Variants in AIG1 observed in about 807,000 individuals in gnomAD.
AIG1 encodes the protein androgen-induced gene 1 protein.
AIG1 carries 23 observed loss-of-function variants against 31.4 expected under a neutral mutation model. That is an observed-to-expected ratio of 0.73 (90% CI 0.53 to 1.04). The LOEUF is 1.04. Ranked by LOEUF, AIG1 falls within the 50% of genes least tolerant of loss-of-function variation. The probability of loss-of-function intolerance (pLI) is 0.00; values close to 1 mark genes in which losing one functional copy is unlikely to be tolerated. For synonymous variants in AIG1, 100 were observed against 110.5 expected, an observed-to-expected ratio of 0.90 and a Z score of 0.60; for missense variants, 274 against 295.0, an observed-to-expected ratio of 0.93 and a Z score of 0.52.
At chr6:143,267,352 C>T (rs1396217368) in intron 3 of AIG1, among the ~76,000 whole-genome samples, 1 of 152,324 alleles carries the variant, frequency 6.6e-6, no homozygotes, top group East Asian at 1.9e-4. Context: ...CTTACCAAAA[C>T]ACTTACTGGA....
At chr6:143,204,769 GGA>G (rs982698749) in intron 3 of AIG1, among the ~76,000 whole-genome samples, 4 of 151,828 alleles carry the variant, frequency 2.6e-5, no homozygotes, top group African/African-American at 9.7e-5. Flanking sequence ...TTAGAATGGG[GGA>G]GGGACATGTC....
At chr6:143,206,967 A>G (rs1253171255) in intron 3 of AIG1, among the ~76,000 whole-genome samples, 6 of 152,168 alleles carry the variant, frequency 3.9e-5, no homozygotes, top group African/African-American at 7.2e-5. Flanking sequence ...GTGCCTTTAG[A>G]TCTGGACATT....
Position 143,263,503 on chromosome 6 carries a change from A to C in AIG1, c.400-20607A>C, listed in dbSNP as rs145693882. Among the ~76,000 whole-genome samples, 533 of 152,252 alleles carry C rather than the reference A, an allele frequency of 3.5e-3. 1 individual carries two copies. The highest frequency in any genetic ancestry group is 0.012 in the African/African-American group (516 of 41,524). Reference sequence around the variant, plus strand: ...TTTCTTTAATGTATGCTTTAAAAAAATTTTATGAATGTAACTTTAATAACA... The same window carrying C: ...TTTCTTTAATGTATGCTTTAAAAAACTTTTATGAATGTAACTTTAATAACA... On this transcript the variant is annotated intron_variant, in intron 3 of 5. Coordinates refer to ENST00000357847, the MANE Select transcript of AIG1 (RefSeq NM_016108.4).
In AIG1 at chr6:143,126,569, T is replaced by G. The variant is rs143415972; in HGVS notation, c.142-10266T>G. Among the ~76,000 whole-genome samples, 57 of 152,354 alleles carry G rather than the reference T, an allele frequency of 3.7e-4. No homozygotes were observed. The East Asian group carries it at 0.01, about 28-fold the overall frequency. On this transcript the variant is annotated intron_variant, in intron 1 of 5. Transcript: ENST00000357847. ...AAGATGGTGTTTTATAGAACTGCTA[T>G]TTTATGGCTCTTATATCCTTTCCAT...
At chr6:143,199,778 G>A (rs543556388) in intron 3 of AIG1, among the ~76,000 whole-genome samples, 7 of 152,248 alleles carry the variant, frequency 4.6e-5, no homozygotes, top group East Asian at 3.9e-4. Flanking sequence ...GTTTAAAGTC[G>A]ACTCAGGCAA....
intron 3 of AIG1, among the ~76,000 whole-genome samples, chr6:143,191,268 T>C (rs1039765138): frequency 6.6e-6 from 1 of 152,140 alleles, no homozygotes; most frequent in Non-Finnish European, 1.5e-5. Context: ...CATCTCAAGA[T>C]TCTCAGAAAA....
At chr6:143,243,391 G>A (rs1184459557) in intron 3 of AIG1, among the ~76,000 whole-genome samples, 1 of 152,120 alleles carries the variant, frequency 6.6e-6, no homozygotes, top group Non-Finnish European at 1.5e-5. Context: ...ACTAATAGAA[G>A]TTTCAAAAAA....
intron 3 of AIG1, among the ~76,000 whole-genome samples, chr6:143,226,394 C>A (rs942509987): frequency 2.6e-5 from 4 of 151,890 alleles, no homozygotes; most frequent in Non-Finnish European, 4.4e-5. Context: ...CGTGCCCCAC[C>A]GTGCCCAGCT....
At chr6:143,090,322 CATAG>C (rs1348284195) in intron 1 of AIG1, among the ~76,000 whole-genome samples, 4 of 151,884 alleles carry the variant, frequency 2.6e-5, no homozygotes, top group African/African-American at 9.7e-5. Flanking sequence ...TCCATCCATC[CATAG>C]ATATAGTTAT....
At chr6:143,154,025 A>C (rs969998441) in intron 2 of AIG1, among the ~76,000 whole-genome samples, 1 of 151,820 alleles carries the variant, frequency 6.6e-6, no homozygotes, top group Non-Finnish European at 1.5e-5. Flanking sequence ...CCAAGGCTGG[A>C]GGATCACTTG....
chr6:143,204,944 T>A (rs1790994980), intron 3 of AIG1, among the ~76,000 whole-genome samples: 1 of 152,140 alleles, frequency 6.6e-6, no homozygotes, highest in Non-Finnish European at 1.5e-5. Flanking sequence ...CTACCCACCA[T>A]CCATGTCTTT....
intron 3 of AIG1, chr6:143,187,971 G>T (rs1789425173): frequency 2.5e-6 from 3 of 1,186,710 alleles, no homozygotes; most frequent in Non-Finnish European, 2.1e-6. Context: ...GTTGCATTTT[G>T]TAACAGGTTG....
chr6:143,196,993 A>G (rs1428461537), intron 3 of AIG1, among the ~76,000 whole-genome samples: 2 of 152,204 alleles, frequency 1.3e-5, no homozygotes, highest in Admixed American at 1.3e-4. Context: ...GCAGCCTCTT[A>G]GCAAGTTTCT....
intron 3 of AIG1, among the ~76,000 whole-genome samples, chr6:143,165,793 T>A (rs1206438664): frequency 6.6e-6 from 1 of 152,212 alleles, no homozygotes; most frequent in Non-Finnish European, 1.5e-5. Flanking sequence ...GCTTTAGCCA[T>A]GATGTTGCCC....
chr6:143,067,435 A>C (rs1331299036), intron 1 of AIG1, among the ~76,000 whole-genome samples: 1 of 152,184 alleles, frequency 6.6e-6, no homozygotes, highest in Non-Finnish European at 1.5e-5. Flanking sequence ...ATAAAGTCTC[A>C]GATGTGGAAA....
chr6:143,338,159 T>A lies in AIG1; in HGVS notation c.680-1480T>A, dbSNP rs763477283. On this transcript the variant is annotated intron_variant, in intron 5 of 5. Coordinates refer to ENST00000357847, the MANE Select transcript of AIG1 (RefSeq NM_016108.4). This position sits in a 1 kb window ranked among gnomAD's most constrained non-coding sequence, Gnocchi z 4.3. ...AAACTGCTCTTAGCCCCTGATAGCT[T>A]CTCCACAGGAGAGGGAATATGGACA... The A allele has an allele frequency of 5.0e-6, 2 of 396,652 alleles. No homozygotes were observed. The highest frequency in any genetic ancestry group is 8.9e-6 in the Non-Finnish European group (2 of 225,328). The allele number at this position is 396,652 out of a possible 1,614,324, so 24.6% of individuals were successfully genotyped here.
chr6:143,282,254 T>C lies in AIG1; in HGVS notation c.400-1856T>C, dbSNP rs187910405. On this transcript the variant is annotated intron_variant, in intron 3 of 5. Transcript: ENST00000357847. ...TGATCCAAAAGTAATGTCATTGTCA[T>C]TTATGATCCACACAGGCCCTCAGGG... Among the ~76,000 whole-genome samples the C allele has an allele frequency of 6.6e-5, 10 of 152,274 alleles. No homozygotes were observed. The East Asian group carries it at 1.9e-3, about 29-fold the overall frequency.
At chr6:143,218,026 A>G (rs899182041) in intron 3 of AIG1, among the ~76,000 whole-genome samples, 19 of 152,194 alleles carry the variant, frequency 1.2e-4, no homozygotes, top group African/African-American at 3.9e-4. Flanking sequence ...GCTCATTGTT[A>G]TTTTAGCGTG....
In AIG1 at chr6:143,105,315, G is replaced by C. The variant is rs113816926; in HGVS notation, c.142-31520G>C. On this transcript the variant is annotated intron_variant, in intron 1 of 5. Transcript: ENST00000357847. ...GACCCTGCATGGCCCTCAGAAGCGGGTGTGAGTAGTGTTCAAGATGAGGTT... is the reference window on the plus strand; with the variant it reads ...GACCCTGCATGGCCCTCAGAAGCGGCTGTGAGTAGTGTTCAAGATGAGGTT... Among the ~76,000 whole-genome samples, 462 of 152,330 alleles carry C rather than the reference G, an allele frequency of 3.0e-3. 5 individuals carry two copies. Among genetic ancestry groups the C allele is most frequent in the African/African-American group, 0.011 (443 of 41,578 alleles).
Sources: allele counts gnomAD v4.1 joint callset (sites outside exome capture counted in the v4.1 genomes callset), GRCh38; gene constraint gnomAD v4.1.1; non-coding constraint Gnocchi (gnomAD v3.1); transcripts MANE v1.5; gene names NCBI Gene and HGNC (gene_info 2026-07-23, HGNC 2026-07-21).